Variants in ALDH18A1 observed in about 807,000 individuals in gnomAD.
ALDH18A1 encodes aldehyde dehydrogenase 18 family member A1.
A neutral mutation model predicts 88.8 loss-of-function variants in ALDH18A1; 44 were observed. That is an observed-to-expected ratio of 0.50 (90% CI 0.39 to 0.64). ALDH18A1 has a LOEUF of 0.64. Among genes scored for constraint, ALDH18A1 ranks in the 30% least tolerant of loss-of-function variants. The pLI, the probability that ALDH18A1 is intolerant of heterozygous loss-of-function variation, is 0.00. For missense variants in ALDH18A1, 782 were observed against 1,009.5 expected, an observed-to-expected ratio of 0.77 and a Z score of 3.05; for synonymous variants, 331 against 372.1, an observed-to-expected ratio of 0.89 and a Z score of 1.27.
chr10:95,609,767 C>CTTTTTTTT (rs1193875091), intron 17 of ALDH18A1, among the ~76,000 whole-genome samples: 7 of 30,690 alleles, frequency 2.3e-4, no homozygotes, highest in Non-Finnish European at 4.4e-4. Flanking sequence ...AAGTCTGTCT[C>CTTTTTTTT]TATTTTTTTT....
intron 12 of ALDH18A1, 196 bp from the exon 13 acceptor site, chr10:95,616,810 A>G (rs1283699995): frequency 6.9e-6 from 5 of 728,380 alleles, no homozygotes; most frequent in Admixed American, 4.5e-5. Flanking sequence ...AGGGCACTGA[A>G]GCCCAGAGAG....
intron 7 of ALDH18A1, among the ~76,000 whole-genome samples, chr10:95,632,090 T>C (rs930289916): frequency 6.6e-6 from 1 of 152,184 alleles, no homozygotes; most frequent in Non-Finnish European, 1.5e-5. Flanking sequence ...TGGATGAACC[T>C]TGAAAACATG....
rs1001935271 is a variant in ALDH18A1 at position 95,606,687 on chromosome 10, G to C, written c.*75C>G. 1.9e-6 allele frequency: 3 copies of C among 1,612,446 alleles called. No individual in the cohort carries two copies. The highest frequency in any genetic ancestry group is 1.7e-5 in the Admixed American group (1 of 60,000). On this transcript the variant is annotated 3_prime_UTR_variant, in exon 18 of 18. Transcript: ENST00000371224. ...CCCTACCAGGAACTGGGAGACAAGA[G>C]CGGGCTCTCTCCTGAGATAAGACAA...
chr10:95,625,468 T>C lies in ALDH18A1; in HGVS notation c.1153-13A>G, dbSNP rs370680325. 400 of 1,606,988 alleles carry C rather than the reference T, an allele frequency of 2.5e-4. 1 individual carries two copies. Among genetic ancestry groups the C allele is most frequent in the South Asian group, 7.9e-4 (72 of 90,938 alleles). ...TAATTTCTGCTCTCTAGAAGAAAGG[T>C]ACACCATTAAAAAAACAGAGATGTT... On this transcript the variant is annotated splice_polypyrimidine_tract_variant and intron_variant, in intron 10 of 17. Transcript: ENST00000371224.
At chr10:95,627,734 C>T in intron 8 of ALDH18A1, 148 bp from the exon 9 acceptor site, 1 of 1,038,158 alleles carries the variant, frequency 9.6e-7, no homozygotes, top group Non-Finnish European at 1.4e-6. Flanking sequence ...GCTCTGAAAA[C>T]ACATAACAGT....
chr10:95,615,330 C>A (rs1215956515), intron 13 of ALDH18A1, among the ~76,000 whole-genome samples: 3 of 136,742 alleles, frequency 2.2e-5, no homozygotes, highest in African/African-American at 7.7e-5. Flanking sequence ...CAGAGCAAGA[C>A]CATGTCTCAA....
In ALDH18A1 at chr10:95,656,701, T is replaced by G. The variant is rs2097918758; in HGVS notation, c.-133A>C. On this transcript the variant is annotated 5_prime_UTR_variant, in exon 1 of 18. Transcript: ENST00000371224. ...CACTCTCTTTTTTCTTCCGTCCACG[T>G]CCCGCACGATGACGTTACGTCAGTG... 2.6e-5 allele frequency: 4 copies of G among 152,490 alleles called. No individual in the cohort carries two copies. The South Asian group carries it at 8.3e-4, about 31-fold the overall frequency. 9.4% of individuals were successfully genotyped at this position (152,490 alleles called of 1,614,324 possible). A position where few individuals can be genotyped will look rare whatever the true frequency, so the allele number is the denominator to read the frequency against.
rs147035460 is a variant in ALDH18A1 at position 95,653,125 on chromosome 10, C to T, written c.88+165G>A. On this transcript the variant is annotated intron_variant, in intron 2 of 17. Coordinates refer to ENST00000371224, the MANE Select transcript of ALDH18A1 (RefSeq NM_002860.4). ...ATTGCTTGAGTCCAAGAGGTCTGGA[C>T]TGCATGGAGCTATGTTTGTGCCACT... is the stretch of plus-strand genomic sequence containing the variant. Among the ~76,000 whole-genome samples the T allele has an allele frequency of 6.2e-4, 94 of 151,840 alleles. No homozygotes were observed. In the East Asian group the frequency reaches 0.018, roughly 29 times the overall value.
At chr10:95,656,545 C>G (rs1395816816) in intron 1 of ALDH18A1, 52 bp downstream of exon 1, 1 of 152,282 alleles carries the variant, frequency 6.6e-6, no homozygotes, top group Non-Finnish European at 1.5e-5. Flanking sequence ...GGGCGCGCAA[C>G]AGCTTCCGCA....
At chr10:95,614,769 A>G (rs974399527) in intron 13 of ALDH18A1, among the ~76,000 whole-genome samples, 5 of 152,172 alleles carry the variant, frequency 3.3e-5, no homozygotes, top group Non-Finnish European at 7.3e-5. Flanking sequence ...CCACATGGTC[A>G]TATTACTTTT....
At chr10:95,638,713 CTT>C (rs2097885781) in intron 3 of ALDH18A1, among the ~76,000 whole-genome samples, 1 of 152,108 alleles carries the variant, frequency 6.6e-6, no homozygotes, top group Non-Finnish European at 1.5e-5. Context: ...AATGCGGTCA[CTT>C]TGTTTCCTAC....
At chr10:95,619,745 C>T (rs1490791455) in intron 12 of ALDH18A1, among the ~76,000 whole-genome samples, 1 of 152,148 alleles carries the variant, frequency 6.6e-6, no homozygotes, top group African/African-American at 2.4e-5. Flanking sequence ...ATGTAGAGAG[C>T]TGAAACTGGA....
Position 95,653,324 on chromosome 10 carries a change from CAGA to C in ALDH18A1, c.51_53del (p.Leu18del), listed in dbSNP as rs753173981. ...AGACGGTTGTACACTTGACCCAGGGCAGAAGATGTTGGTTGAAGGGCTGGAACC... is the reference window on the plus strand; with the variant it reads ...AGACGGTTGTACACTTGACCCAGGGCAGATGTTGGTTGAAGGGCTGGAACC... On this transcript the variant is annotated inframe_deletion, in exon 2 of 18. Transcript: ENST00000371224. 2 of 1,612,442 alleles carry C rather than the reference CAGA, an allele frequency of 1.2e-6. No homozygotes were observed. The highest frequency in any genetic ancestry group is 2.2e-5 in the South Asian group (2 of 90,964).
In ALDH18A1 at chr10:95,632,939, A is replaced by G; in HGVS notation, c.808+20T>C. On this transcript the variant is annotated intron_variant, in intron 7 of 17. Coordinates refer to ENST00000371224, the MANE Select transcript of ALDH18A1 (RefSeq NM_002860.4). ...ATTTAAAACAAAGGGCAGATAAAGG[A>G]AAAAAGCATTACTTTGTACCTTCTA... is the stretch of plus-strand genomic sequence containing the variant. 6.2e-7 allele frequency: 1 copy of G among 1,604,170 alleles called. No individual in the cohort carries two copies. Among genetic ancestry groups the G allele is most frequent in the Admixed American group, 1.7e-5 (1 of 60,012 alleles).
In ALDH18A1 at chr10:95,628,361, T is replaced by C; in HGVS notation, c.933+7A>G. ...TGTTATAGGCAGTTAAGGCACCAGA[T>C]TCTTACCTTGGCTTCCATGCCACCC... On this transcript the variant is annotated splice_region_variant and intron_variant, in intron 8 of 17. Coordinates refer to ENST00000371224, the MANE Select transcript of ALDH18A1 (RefSeq NM_002860.4). 6.2e-7 allele frequency: 1 copy of C among 1,614,146 alleles called. No homozygotes were observed. The highest frequency in any genetic ancestry group is 8.5e-7 in the Non-Finnish European group (1 of 1,179,978).
Position 95,649,487 on chromosome 10 carries a change from TG to T in ALDH18A1, c.88+3802del, listed in dbSNP as rs1316849498. On this transcript the variant is annotated intron_variant, in intron 2 of 17. Coordinates refer to ENST00000371224, the MANE Select transcript of ALDH18A1 (RefSeq NM_002860.4). Reference sequence around the variant, plus strand: ...CTCCTGCCTCAGCCTCCCAAGCAGCTGGGACTACAGGCACCTGCCACCACAC... The same window carrying T: ...CTCCTGCCTCAGCCTCCCAAGCAGCTGGACTACAGGCACCTGCCACCACAC... Among the ~76,000 whole-genome samples the T allele has an allele frequency of 2.0e-5, 3 of 151,322 alleles. No homozygotes were observed. The East Asian group carries it at 6.0e-4, about 30-fold the overall frequency.
At chr10:95,652,594 G>A (rs2097912046) in intron 2 of ALDH18A1, among the ~76,000 whole-genome samples, 1 of 152,032 alleles carries the variant, frequency 6.6e-6, no homozygotes, top group Non-Finnish European at 1.5e-5. Context: ...AATTAGCTGG[G>A]TATGGTGATG....
intron 16 of ALDH18A1, 152 bp from the exon 17 acceptor site, chr10:95,610,444 A>G: frequency 1.4e-6 from 1 of 701,888 alleles, no homozygotes; most frequent in African/African-American, 1.8e-5. Flanking sequence ...AGGCTTATGA[A>G]AAATCTCAAC....
intron 12 of ALDH18A1, among the ~76,000 whole-genome samples, chr10:95,620,594 A>T (rs1207971113): frequency 1.3e-5 from 2 of 152,234 alleles, no homozygotes; most frequent in Admixed American, 6.5e-5. Context: ...ATGGAATACT[A>T]TGCAGCCATA....
Sources: allele counts gnomAD v4.1 joint callset (sites outside exome capture counted in the v4.1 genomes callset), GRCh38; gene constraint gnomAD v4.1.1; transcripts MANE v1.5; gene names NCBI Gene and HGNC (gene_info 2026-07-23, HGNC 2026-07-21).